DAG1: variants seen among roughly 807,000 people sequenced by gnomAD.
DAG1 encodes the protein dystroglycan 1.
In DAG1, 8 loss-of-function variants were observed where a neutral mutation model predicts 46.1. The ratio of observed to expected loss-of-function variants is 0.17; its 90% confidence interval spans 0.10 to 0.31. The LOEUF is 0.31. Ranked by LOEUF, DAG1 falls within the 10% of genes least tolerant of loss-of-function variation. The pLI, the probability that DAG1 is intolerant of heterozygous loss-of-function variation, is 1.00. For missense variants in DAG1, 1,003 were observed against 1,189.9 expected (o/e 0.84, Z 2.31); for synonymous variants, 495 against 481.8 (o/e 1.03, Z -0.36).
intron 1 of DAG1, among the ~76,000 whole-genome samples, chr3:49,479,917 G>A (rs2049821075): frequency 6.7e-6 from 1 of 148,794 alleles, no homozygotes; most frequent in Non-Finnish European, 1.5e-5. Flanking sequence ...TGGGATTACA[G>A]GCGTGAGCCC....
At position 49,534,387 on chromosome 3, in the gene DAG1, C is replaced by G. The variant is rs1168909778; in HGVS notation, c.*1188C>G. 6.6e-6 allele frequency: 1 copy of G among 152,596 alleles called. No individual in the cohort carries two copies. The allele number at this position is 152,596 out of a possible 1,614,324, so 9.5% of individuals were successfully genotyped here. On this transcript the variant is annotated 3_prime_UTR_variant, in exon 3 of 3. Coordinates refer to ENST00000308775, the MANE Select transcript of DAG1 (RefSeq NM_004393.6). ...GGCACTCCAGTCCCAGGCCTTGGGCCTGAACTACTGGAAAAGGTCTGGCGG... is the reference window on the plus strand; with the variant it reads ...GGCACTCCAGTCCCAGGCCTTGGGCGTGAACTACTGGAAAAGGTCTGGCGG...
chr3:49,502,844 G>A (rs1033884481), intron 1 of DAG1, among the ~76,000 whole-genome samples: 9 of 151,944 alleles, frequency 5.9e-5, no homozygotes, highest in Admixed American at 1.3e-4. Flanking sequence ...TCACCATGTT[G>A]GCCAGGCTGG....
At chr3:49,492,439 G>A (rs1018152860) in intron 1 of DAG1, among the ~76,000 whole-genome samples, 3 of 152,156 alleles carry the variant, frequency 2.0e-5, no homozygotes, top group Non-Finnish European at 4.4e-5. Flanking sequence ...TTGAGCCTAG[G>A]AATTTGAGAC....
Position 49,531,148 on chromosome 3 carries a change from A to G in DAG1, c.637A>G (p.Arg213Gly). 6.2e-7 allele frequency: 1 copy of G among 1,614,240 alleles called. No homozygotes were observed. The highest frequency in any genetic ancestry group is 8.5e-7 in the Non-Finnish European group (1 of 1,180,042). The part of the protein sequence containing the change: ...TPKQRIDLLH[R>G]MRSFSEVELH... ...AAAGCAAAGGATTGACCTCCTGCAC[A>G]GGATGCGGAGCTTCTCAGAAGTAGA... Residue 213 changes from arginine (R) to glycine (G), a missense_variant, in exon 3 of 3, where the codon AGG (arginine) becomes GGG (glycine). By Grantham distance (125) the Arg-to-Gly change is moderately radical. Around this residue, in one of 3 missense-constraint regions of DAG1, gnomAD observed 52 missense variants for 96.7 expected, o/e 0.54. Coordinates refer to ENST00000308775, the MANE Select transcript of DAG1 (RefSeq NM_004393.6). The surrounding 1 kb of genome is among the most constrained non-coding windows in gnomAD (Gnocchi z 7.0).
chr3:49,481,733 A>C (rs2049886360), intron 1 of DAG1, among the ~76,000 whole-genome samples: 1 of 152,168 alleles, frequency 6.6e-6, no homozygotes, highest in Admixed American at 6.6e-5. Flanking sequence ...ATTCAGGGAA[A>C]CAGTAGCCAG....
chr3:49,531,285 C>T lies in DAG1; in HGVS notation c.774C>T (p.Leu258=). Reference sequence around the variant, plus strand: ...AGGTGGTGGAGAATGGGGCCCTTCTCTCCTGGAAGCTGGGCTGCTCCCTGA... The same window carrying T: ...AGGTGGTGGAGAATGGGGCCCTTCTTTCCTGGAAGCTGGGCTGCTCCCTGA... The part of the protein sequence containing the change: ...AKKVVENGAL[L]SWKLGCSLNQ... Residue 258 remains leucine, a synonymous_variant, in exon 3 of 3, where the codon CTC becomes CTT. Transcript: ENST00000308775. This position sits in a 1 kb window ranked among gnomAD's most constrained non-coding sequence, Gnocchi z 7.0. 1.2e-6 allele frequency: 2 copies of T among 1,614,180 alleles called. No homozygotes were observed. The highest frequency in any genetic ancestry group is 1.7e-6 in the Non-Finnish European group (2 of 1,180,040).
At chr3:49,490,880 C>CTTTTT (rs972440561) in intron 1 of DAG1, among the ~76,000 whole-genome samples, 36 of 87,842 alleles carry the variant, frequency 4.1e-4, no homozygotes, top group Non-Finnish European at 4.3e-4. Context: ...CTCCTAAATT[C>CTTTTT]TTTTTTTTTT....
At chr3:49,526,499 AG>A (rs1265067735) in intron 2 of DAG1, among the ~76,000 whole-genome samples, 2 of 152,136 alleles carry the variant, frequency 1.3e-5, no homozygotes, top group African/African-American at 4.8e-5. Context: ...ACTGGAGGCC[AG>A]GAGTTTGAGA....
At chr3:49,504,761 A>ATTTTTTT (rs57684297) in intron 1 of DAG1, among the ~76,000 whole-genome samples, 5 of 89,924 alleles carry the variant, frequency 5.6e-5, no homozygotes, top group Admixed American at 2.9e-4. Flanking sequence ...CGCCCAGCTA[A>ATTTTTTT]TTTTTTTTTT....
intron 2 of DAG1, among the ~76,000 whole-genome samples, chr3:49,522,951 G>A (rs2051074178): frequency 6.6e-6 from 1 of 152,160 alleles, no homozygotes; most frequent in African/African-American, 2.4e-5. Context: ...GCCTCTCCCA[G>A]CTCCAAGGCA....
Position 49,510,110 on chromosome 3 carries a change from T to A in DAG1, c.-116-309T>A, listed in dbSNP as rs561383665. On this transcript the variant is annotated intron_variant, in intron 1 of 2. Transcript: ENST00000308775. The stretch of plus-strand genomic sequence containing the variant: ...ATATTTTATTGAATGTATCTGACTG[T>A]ATTCAAAATATTACTAATACATATC... The A allele has an allele frequency of 1.7e-5, 6 of 354,104 alleles. No individual in the cohort carries two copies. In the South Asian group the frequency reaches 4.1e-4, roughly 24 times the overall value. 21.9% of individuals were successfully genotyped at this position (354,104 alleles called of 1,614,324 possible). A position where few individuals can be genotyped will look rare whatever the true frequency, so the allele number is the denominator to read the frequency against.
In DAG1 at chr3:49,500,393, T is replaced by C. The variant is rs368199561; in HGVS notation, c.-116-10026T>C. On this transcript the variant is annotated intron_variant, in intron 1 of 2. Transcript: ENST00000308775. ...AAGGGAGTGCCTGGTCATTGGCAGA[T>C]GCGAGCCACTTACTGGCCCTACCCC... 4.6e-5 allele frequency among the ~76,000 whole-genome samples: 7 copies of C among 152,296 alleles called. No individual in the cohort carries two copies. In the East Asian group the frequency reaches 9.6e-4, roughly 21 times the overall value.
Position 49,492,887 on chromosome 3 carries a change from C to G in DAG1, c.-116-17532C>G, listed in dbSNP as rs1425226950. The G allele has an allele frequency of 3.9e-5, 6 of 152,050 alleles. 1 individual carries two copies. Among genetic ancestry groups the G allele is most frequent in the African/African-American group, 1.4e-4 (6 of 41,408 alleles). 9.4% of individuals were successfully genotyped at this position (152,050 alleles called of 1,614,324 possible). A position where few individuals can be genotyped will look rare whatever the true frequency, so the allele number is the denominator to read the frequency against. On this transcript the variant is annotated intron_variant, in intron 1 of 2. Coordinates refer to ENST00000308775, the MANE Select transcript of DAG1 (RefSeq NM_004393.6). ...CAGGCATGGATTGACTCCTACAGTT[C>G]AGGCGGATGGAGATCCCACCAACCC...
chr3:49,520,131 G>C (rs542487283), intron 2 of DAG1, among the ~76,000 whole-genome samples: 1 of 152,334 alleles, frequency 6.6e-6, no homozygotes, highest in East Asian at 1.9e-4. Context: ...ACCTCAGGTG[G>C]GGACAAAGGC....
chr3:49,489,541 C>T (rs2050127019), intron 1 of DAG1, among the ~76,000 whole-genome samples: 2 of 152,084 alleles, frequency 1.3e-5, no homozygotes, highest in Non-Finnish European at 2.9e-5. Context: ...GCTCTGGGAC[C>T]TCTTAACTTG....
At chr3:49,487,076 G>A (rs537397103) in intron 1 of DAG1, among the ~76,000 whole-genome samples, 6 of 152,128 alleles carry the variant, frequency 3.9e-5, no homozygotes, top group Admixed American at 1.3e-4. Context: ...TAGTAGTAAT[G>A]GGGTTTCTCT....
chr3:49,500,362 G>A (rs945920865), intron 1 of DAG1, among the ~76,000 whole-genome samples: 2 of 152,086 alleles, frequency 1.3e-5, no homozygotes, highest in Non-Finnish European at 2.9e-5. Flanking sequence ...TATCACAACT[G>A]GGAGGAAGGG....
intron 1 of DAG1, among the ~76,000 whole-genome samples, chr3:49,471,476 A>G (rs2049517190): frequency 6.6e-6 from 1 of 152,232 alleles, no homozygotes; most frequent in South Asian, 2.1e-4. Flanking sequence ...CAACCGTACT[A>G]CATTTTGGAG....
At chr3:49,478,286 A>G (rs2049746459) in intron 1 of DAG1, among the ~76,000 whole-genome samples, 1 of 150,078 alleles carries the variant, frequency 6.7e-6, no homozygotes, top group African/African-American at 2.4e-5. Context: ...AAAAAAAAAA[A>G]AAAGAAAAAA....
Sources: allele counts gnomAD v4.1 joint callset (sites outside exome capture counted in the v4.1 genomes callset), GRCh38; gene constraint gnomAD v4.1.1; regional missense constraint gnomAD v4.1.1; non-coding constraint Gnocchi (gnomAD v3.1); transcripts MANE v1.5; gene names NCBI Gene and HGNC (gene_info 2026-07-23, HGNC 2026-07-21).